The following ZC3H12B variants were observed in gnomAD, a reference collection of about 807,000 sequenced individuals.
ZC3H12B encodes probable ribonuclease ZC3H12B.
In ZC3H12B, 7 loss-of-function variants were observed where a neutral mutation model predicts 43.9. That is an observed-to-expected ratio of 0.16 (90% CI 0.09 to 0.30). ZC3H12B has a LOEUF of 0.30. Among genes scored for constraint, ZC3H12B ranks in the 10% least tolerant of loss-of-function variants. The pLI, the probability that ZC3H12B is intolerant of heterozygous loss-of-function variation, is 1.00. For synonymous variants in ZC3H12B, 222 were observed against 241.7 expected (o/e 0.92, Z 0.76); for missense variants, 475 against 670.2 (o/e 0.71, Z 3.22).
intron 2 of ZC3H12B, among the ~76,000 whole-genome samples, chrX:65,373,221 C>A (rs1188817889): frequency 8.9e-6 from 1 of 111,822 alleles, no homozygotes; most frequent in South Asian, 3.7e-4. Flanking sequence ...GAATGGCAAT[C>A]ATTAAAACGT....
the ZC3H12B span, among the ~76,000 whole-genome samples, chrX:65,065,617 G>T: frequency 9.0e-6 from 1 of 111,173 alleles, no homozygotes; most frequent in South Asian, 3.8e-4. Context: ...ACGATTATGT[G>T]TCTTGTGGTT....
the ZC3H12B span, among the ~76,000 whole-genome samples, chrX:65,038,117 C>T: frequency 9.0e-6 from 1 of 110,961 alleles, no homozygotes; most frequent in African/African-American, 3.3e-5. Context: ...TGGAGTTATT[C>T]CATCCGTAGA....
At chrX:65,076,369 C>T in the ZC3H12B span, among the ~76,000 whole-genome samples, 1 of 110,666 alleles carries the variant, frequency 9.0e-6, no homozygotes, top group Non-Finnish European at 1.9e-5. Flanking sequence ...AAACTCCTGG[C>T]CTCAAGCAAT....
At chrX:65,192,465 G>C in the ZC3H12B span, among the ~76,000 whole-genome samples, 3 of 111,351 alleles carry the variant, frequency 2.7e-5, no homozygotes, top group Non-Finnish European at 5.7e-5. Flanking sequence ...TTTTTCCTCA[G>C]TATGATAGTA....
chrX:65,101,504 TAAAG>T, the ZC3H12B span, among the ~76,000 whole-genome samples: 3 of 111,069 alleles, frequency 2.7e-5, no homozygotes, highest in African/African-American at 9.8e-5. Flanking sequence ...GCTAGACTAA[TAAAG>T]AAGAAAAGAG....
intron 3 of ZC3H12B, among the ~76,000 whole-genome samples, chrX:65,404,085 A>T (rs1328848534): frequency 8.9e-6 from 1 of 111,953 alleles, no homozygotes; most frequent in Non-Finnish European, 1.9e-5. Flanking sequence ...AAGTTAAAAA[A>T]CTTGAAAATA....
At chrX:65,435,139 G>A (rs981473811) in intron 3 of ZC3H12B, among the ~76,000 whole-genome samples, 5 of 111,479 alleles carry the variant, frequency 4.5e-5, no homozygotes, top group Admixed American at 9.6e-5. Flanking sequence ...TAACAGTTTT[G>A]CATGATGAGG....
the ZC3H12B span, among the ~76,000 whole-genome samples, chrX:65,207,350 G>A: frequency 6.4e-5 from 7 of 109,546 alleles, no homozygotes; most frequent in African/African-American, 2.3e-4. Flanking sequence ...GGATGGAATT[G>A]GAGACTATTA....
chrX:65,129,055 G>T, the ZC3H12B span, among the ~76,000 whole-genome samples: 1 of 110,207 alleles, frequency 9.1e-6, no homozygotes, highest in Non-Finnish European at 1.9e-5. Context: ...TTATTGATGT[G>T]TTAGGGCTTA....
the ZC3H12B span, among the ~76,000 whole-genome samples, chrX:65,329,177 T>G: frequency 1.8e-5 from 2 of 111,279 alleles, no homozygotes; most frequent in African/African-American, 6.6e-5. Context: ...AGTGTAAAAG[T>G]GTTCCTATTT....
At chrX:65,311,112 A>G in the ZC3H12B span, among the ~76,000 whole-genome samples, 2 of 112,214 alleles carry the variant, frequency 1.8e-5, no homozygotes, top group Non-Finnish European at 3.8e-5. Flanking sequence ...TAAAACACCA[A>G]AAGCAATGGC....
the ZC3H12B span, among the ~76,000 whole-genome samples, chrX:65,237,548 C>CTT: frequency 3.7e-4 from 38 of 103,088 alleles, no homozygotes; most frequent in African/African-American, 1.3e-3. Flanking sequence ...AGTTGAATGC[C>CTT]TTTTTTTTTT....
the ZC3H12B span, among the ~76,000 whole-genome samples, chrX:65,224,642 G>A: frequency 8.9e-6 from 1 of 111,991 alleles, no homozygotes; most frequent in Non-Finnish European, 1.9e-5. Flanking sequence ...GTGACAGATG[G>A]CACCTGGAAA....
chrX:65,403,104 T>C (rs1026575911), intron 3 of ZC3H12B, among the ~76,000 whole-genome samples: 1 of 111,892 alleles, frequency 8.9e-6, no homozygotes, highest in Non-Finnish European at 1.9e-5. Context: ...AATTCAGAAT[T>C]TTATCAGATT....
intron 3 of ZC3H12B, among the ~76,000 whole-genome samples, chrX:65,448,014 C>T (rs1434436352): frequency 4.5e-5 from 5 of 110,934 alleles, no homozygotes; most frequent in Non-Finnish European, 5.7e-5. Context: ...AGGTGGATCA[C>T]GAGGTCAGGA....
the ZC3H12B span, among the ~76,000 whole-genome samples, chrX:65,291,657 G>T: frequency 8.9e-6 from 1 of 111,951 alleles, no homozygotes; most frequent in South Asian, 3.6e-4. Context: ...GTGAGAATGG[G>T]TAGTTGTTAT....
chrX:65,373,922 CTATATATATAGTA>C lies in ZC3H12B; in HGVS notation n.295+4937_295+4949del, dbSNP rs1569379660. On this transcript the variant is annotated intron_variant and non_coding_transcript_variant, in intron 2 of 5. Coordinates refer to the ZC3H12B transcript ENST00000617377. Reference sequence around the variant, plus strand: ...ATATATATATAGTTATATATATATACTATATATATAGTATATATATATAGTTATATATATATAC... The same window carrying C: ...ATATATATATAGTTATATATATATACTATATATATAGTTATATATATATAC... 1.5e-3 allele frequency among the ~76,000 whole-genome samples: 83 copies of C among 54,858 alleles called. 5 individuals are homozygous for C. Among genetic ancestry groups the C allele is most frequent in the African/African-American group, 8.1e-3 (73 of 9,023 alleles). The allele number at this position is 54,858 out of a possible 115,157, so 47.6% of individuals were successfully genotyped here.
chrX:65,273,520 G>A, the ZC3H12B span, among the ~76,000 whole-genome samples: 4 of 109,316 alleles, frequency 3.7e-5, no homozygotes, highest in Middle Eastern at 4.7e-3. Context: ...AGAGAAAGGA[G>A]TAAAATTTTT....
At chrX:65,082,238 G>A in the ZC3H12B span, among the ~76,000 whole-genome samples, 1 of 110,727 alleles carries the variant, frequency 9.0e-6, no homozygotes, top group Admixed American at 9.6e-5. Context: ...CAAACCAAAT[G>A]CAAAATTAGT....
Sources: allele counts gnomAD v4.1 joint callset (sites outside exome capture counted in the v4.1 genomes callset), GRCh38; gene constraint gnomAD v4.1.1; transcripts MANE v1.5; gene names NCBI Gene and HGNC (gene_info 2026-07-23, HGNC 2026-07-21).